The following ZSCAN10 variants were observed in gnomAD, a reference collection of about 807,000 sequenced individuals.
ZSCAN10 encodes the protein zinc finger and SCAN domain containing 10.
A neutral mutation model predicts 63.7 loss-of-function variants in ZSCAN10; 52 were observed. That is an observed-to-expected ratio of 0.82 (90% confidence interval 0.65 to 1.03). The LOEUF (loss-of-function observed/expected upper bound fraction) is 1.03. Ranked by LOEUF, ZSCAN10 falls within the 50% of genes least tolerant of loss-of-function variation. ZSCAN10 has a pLI of 0.00. For missense variants in ZSCAN10, 1,223 were observed against 1,103.8 expected (o/e 1.11, Z -1.53); for synonymous variants, 544 against 479.6 (o/e 1.13, Z -1.76).
chr16:3,089,213 G>A lies in ZSCAN10; in HGVS notation c.2221C>T (p.Arg741Ter). 6.4e-7 allele frequency: 1 copy of A among 1,568,186 alleles called. No individual in the cohort carries two copies. Among genetic ancestry groups the A allele is most frequent in the Non-Finnish European group, 8.6e-7 (1 of 1,165,242 alleles). ...GCGCCCGTGTGCACCAGCAGGTGTC[G>A]CAGCAGATTGCAGCTGCGGCTGAAG... ...KSFSRSCNLL[R>*]HLLVHTGARP... The change falls in exon 6 of 6, where the codon CGA (arginine) becomes TGA (stop). Residue 741 changes from arginine (R) to a stop codon, truncating the protein, a stop_gained. Transcript: ENST00000576985. LOFTEE classifies it high-confidence loss of function.
At chr16:3,091,638 C>T in intron 4 of ZSCAN10, 41 bp from the exon 5 acceptor site, 1 of 1,613,150 alleles carries the variant, frequency 6.2e-7, no homozygotes, top group Non-Finnish European at 8.5e-7. Context: ...GAGGAACATG[C>T]CTCAGGAACC....
Position 3,090,150 on chromosome 16 carries a change from G to A in ZSCAN10, c.1284C>T (p.Ser428=), listed in dbSNP as rs775967245. The part of the protein sequence containing the change: ...HLSKHLLTHS[S]EPAFLCAECG... ...ACTCTGCGCACAGGAAGGCGGGTTC[G>A]GAGGAGTGGGTCAGCAGGTGCTTGC... Residue 428 remains serine, a synonymous_variant, in exon 6 of 6, where the codon TCC becomes TCT. Coordinates refer to ENST00000576985, the MANE Select transcript of ZSCAN10 (RefSeq NM_032805.3). 6.2e-6 allele frequency: 10 copies of A among 1,601,620 alleles called. No individual in the cohort carries two copies. In the East Asian group the frequency reaches 1.1e-4, roughly 18 times the overall value.
At chr16:3,095,442 C>T (rs1043486285) in intron 1 of ZSCAN10, among the ~76,000 whole-genome samples, 1 of 147,858 alleles carries the variant, frequency 6.8e-6, no homozygotes, top group Non-Finnish European at 1.5e-5. Context: ...GCGTGAACCC[C>T]GGAGGCGGAG....
Position 3,091,748 on chromosome 16 carries a change from G to T in ZSCAN10, c.729+16C>A, listed in dbSNP as rs367809457. On this transcript the variant is annotated intron_variant, in intron 4 of 5. Transcript: ENST00000576985. The stretch of plus-strand genomic sequence containing the variant: ...TCCTGGGGCTTGAGGACACCCTGGG[G>T]TGCGGCCCAGCTCACCAGCACAGCC... 154 of 1,575,488 alleles carry T rather than the reference G, an allele frequency of 9.8e-5. No homozygotes were observed. Among genetic ancestry groups the T allele is most frequent in the Non-Finnish European group, 1.2e-4 (145 of 1,160,260 alleles).
At position 3,092,528 on chromosome 16, in the gene ZSCAN10, C is replaced by T; in HGVS notation, c.396+14G>A. On this transcript the variant is annotated intron_variant, in intron 2 of 5. Transcript: ENST00000576985. ...CATCCGCATGCTGCTCAGCCCGCTGCCCCACCCTCTCACCAGCGGCCCCGC... is the reference window on the plus strand; with the variant it reads ...CATCCGCATGCTGCTCAGCCCGCTGTCCCACCCTCTCACCAGCGGCCCCGC... 3.3e-6 allele frequency: 5 copies of T among 1,497,534 alleles called. No homozygotes were observed. The highest frequency in any genetic ancestry group is 3.6e-6 in the Non-Finnish European group (4 of 1,125,082). The allele number at this position is 1,497,534 out of a possible 1,614,324, so 92.8% of individuals were successfully genotyped here.
At position 3,092,835 on chromosome 16, in the gene ZSCAN10, C is replaced by T; in HGVS notation, c.103G>A (p.Glu35Lys). ...GCCACCTCGGGCCTCAGCCTGGACT[C>T]TGGTCGCCTGGGGTCCTCTGGGCTG... ...AVSPEDPRRP[E>K]SRLRPEVAHQ... Residue 35 changes from glutamate (E) to lysine (K), a missense_variant, in exon 2 of 6, where the codon GAG becomes AAG. Physicochemically the swap from Glu to Lys is moderately conservative, Grantham distance 56. Transcript: ENST00000576985. 2 of 1,487,778 alleles carry T rather than the reference C, an allele frequency of 1.3e-6. No homozygotes were observed. The highest frequency in any genetic ancestry group is 1.8e-6 in the Non-Finnish European group (2 of 1,114,024). The allele number at this position is 1,487,778 out of a possible 1,614,324, so 92.2% of individuals were successfully genotyped here.
intron 1 of ZSCAN10, among the ~76,000 whole-genome samples, chr16:3,094,142 A>T (rs111753004): frequency 6.6e-6 from 1 of 152,052 alleles, no homozygotes. Flanking sequence ...CCTCCCGAGT[A>T]GCTGGGACTA....
In ZSCAN10 at chr16:3,092,785, C is replaced by T. The variant is rs750560304; in HGVS notation, c.153G>A (p.Gln51=). The T allele has an allele frequency of 7.6e-6, 12 of 1,588,582 alleles. No homozygotes were observed. The highest frequency in any genetic ancestry group is 2.3e-5 in the East Asian group (1 of 43,958). ...EVAHQLFRCF[Q]YQEDMGPRAS... ...CCCGTGGCCCCATGTCCTCCTGATA[C>T]TGGAAGCATCTGAACAGCTGGTGAG... is the stretch of plus-strand genomic sequence containing the variant. The change falls in exon 2 of 6, where the codon CAG becomes CAA. Residue 51 remains glutamine (Q), a synonymous_variant. Coordinates refer to ENST00000576985, the MANE Select transcript of ZSCAN10 (RefSeq NM_032805.3).
chr16:3,096,801 C>T (rs1461103033), intron 1 of ZSCAN10, among the ~76,000 whole-genome samples: 1 of 151,980 alleles, frequency 6.6e-6, no homozygotes, highest in South Asian at 2.1e-4. Flanking sequence ...TGATGGCATG[C>T]GCCTGTAGTC....
rs748853111 is a variant in ZSCAN10 at position 3,089,485 on chromosome 16, G to C, written c.1949C>G (p.Ala650Gly). 6.2e-7 allele frequency: 1 copy of C among 1,601,930 alleles called. No homozygotes were observed. Among genetic ancestry groups the C allele is most frequent in the African/African-American group, 1.3e-5 (1 of 74,274 alleles). ...GEGFSQSAHL[A>G]RHQRIHTGEK... Reference sequence around the variant, plus strand: ...CCCTGTGTGGATGCGCTGGTGGCGCGCCAGGTGGGCGCTCTGGCTGAAGCC... The same window carrying C: ...CCCTGTGTGGATGCGCTGGTGGCGCCCCAGGTGGGCGCTCTGGCTGAAGCC... The change falls in exon 6 of 6, where the codon GCG (alanine) becomes GGG (glycine). Residue 650 changes from alanine (A) to glycine (G), a missense_variant. Transcript: ENST00000576985.
Position 3,088,913 on chromosome 16 carries a change from C to T in ZSCAN10, c.*178G>A. ...CATTTTGGAGAAGGCCATTTTACTT[C>T]GGGCGTTTTAATTACATAGCTGAGG... On this transcript the variant is annotated 3_prime_UTR_variant, in exon 6 of 6. Coordinates refer to ENST00000576985, the MANE Select transcript of ZSCAN10 (RefSeq NM_032805.3). 5.7e-6 allele frequency: 7 copies of T among 1,231,106 alleles called. No individual in the cohort carries two copies. The highest frequency in any genetic ancestry group is 7.3e-6 in the Non-Finnish European group (7 of 953,516). The allele number at this position is 1,231,106 out of a possible 1,614,324, so 76.3% of individuals were successfully genotyped here.
rs1434973738 is a variant in ZSCAN10 at position 3,089,158 on chromosome 16, C to T, written c.2276G>A (p.Arg759His). The T allele has an allele frequency of 1.3e-6, 2 of 1,535,292 alleles. No homozygotes were observed. The highest frequency in any genetic ancestry group is 1.4e-5 in the African/African-American group (1 of 71,844). The change falls in exon 6 of 6, where the codon CGC (arginine) becomes CAC (histidine). Residue 759 changes from arginine (R) to histidine (H), a missense_variant. By Grantham distance (29) the Arg-to-His change is conservative (BLOSUM62 0). Transcript: ENST00000576985. ...ARPYSCTQCGRSFSRNSHLLR... is the reference protein window; with the variant it reads ...ARPYSCTQCGHSFSRNSHLLR... ...CAGGTGGGAGTTGCGGCTGAAGCTG[C>T]GGCCACACTGCGTGCAGGAGTAGGG...
chr16:3,094,220 C>G (rs1203663233), intron 1 of ZSCAN10, among the ~76,000 whole-genome samples: 1 of 152,106 alleles, frequency 6.6e-6, no homozygotes, highest in African/African-American at 2.4e-5. Context: ...CATTATGTTG[C>G]CCAGGCTGGT....
In ZSCAN10 at chr16:3,092,843, C is replaced by T; in HGVS notation, c.95G>A (p.Arg32Lys). 1.4e-6 allele frequency: 2 copies of T among 1,473,894 alleles called. No homozygotes were observed. The highest frequency in any genetic ancestry group is 1.8e-6 in the Non-Finnish European group (2 of 1,108,174). 91.3% of individuals were successfully genotyped at this position (1,473,894 alleles called of 1,614,324 possible). Reference protein sequence around the residue: ...EEEAVSPEDPRRPESRLRPEV... With the variant: ...EEEAVSPEDPKRPESRLRPEV... ...GGGCCTCAGCCTGGACTCTGGTCGC[C>T]TGGGGTCCTCTGGGCTGACAGCCTC... The change falls in exon 2 of 6, where the codon AGG (arginine) becomes AAG (lysine). Residue 32 changes from arginine to lysine, a missense_variant. By Grantham distance (26) the Arg-to-Lys change is conservative (BLOSUM62 2). Coordinates refer to ENST00000576985, the MANE Select transcript of ZSCAN10 (RefSeq NM_032805.3).
intron 4 of ZSCAN10, 25 bp from the exon 5 acceptor site, chr16:3,091,622 G>C (rs761585905): frequency 8.1e-6 from 13 of 1,613,968 alleles, no homozygotes; most frequent in Non-Finnish European, 3.4e-6. Flanking sequence ...GAAACCCTTG[G>C]TGAGTGAGGA....
chr16:3,090,333 C>A lies in ZSCAN10; in HGVS notation c.1101G>T (p.Leu367=), dbSNP rs1957054547. 7 of 1,610,688 alleles carry A rather than the reference C, an allele frequency of 4.3e-6. No individual in the cohort carries two copies. Among genetic ancestry groups the A allele is most frequent in the Non-Finnish European group, 5.9e-6 (7 of 1,178,780 alleles). The part of the protein sequence containing the change: ...PQLSRLKAHQ[L]RSHPAGRSFL... ...AGGAGCGCCCAGCCGGGTGCGAGCG[C>A]AGCTGGTGCGCCTTCAGGCGAGACA... The change falls in exon 6 of 6, where the codon CTG becomes CTT. Residue 367 remains leucine (L), a synonymous_variant. Coordinates refer to ENST00000576985, the MANE Select transcript of ZSCAN10 (RefSeq NM_032805.3).
Position 3,089,516 on chromosome 16 carries a change from C to A in ZSCAN10, c.1918G>T (p.Gly640Cys), listed in dbSNP as rs1453769306. ...GEKPCRCSEC[G>C]EGFSQSAHLA... ...TGGGCGCTCTGGCTGAAGCCCTCAC[C>A]GCACTCGCTGCAGCGGCAGGGCTTC... Residue 640 changes from glycine (G) to cysteine (C), a missense_variant, in exon 6 of 6, where the codon GGT becomes TGT. Coordinates refer to ENST00000576985, the MANE Select transcript of ZSCAN10 (RefSeq NM_032805.3). 4 of 1,602,824 alleles carry A rather than the reference C, an allele frequency of 2.5e-6. No individual in the cohort carries two copies. In the Admixed American group the frequency reaches 6.8e-5, roughly 27 times the overall value.
intron 1 of ZSCAN10, chr16:3,093,406 C>T (rs1957112620): frequency 6.6e-6 from 1 of 151,550 alleles, no homozygotes; most frequent in South Asian, 2.1e-4. Context: ...GTCCCAGCTG[C>T]TGGGGAGGCT....
In ZSCAN10 at chr16:3,090,431, C is replaced by T. The variant is rs1957057082; in HGVS notation, c.1003G>A (p.Ala335Thr). ...GSSEILEVKVAEGVPEPNPEL... is the reference protein window; with the variant it reads ...GSSEILEVKVTEGVPEPNPEL... ...GGATTGGGCTCGGGGACGCCCTCAG[C>T]CACTTTGACCTCCAAAATTTCACTG... Residue 335 changes from alanine (A) to threonine (T), a missense_variant, in exon 6 of 6, where the codon GCT (alanine) becomes ACT (threonine). Ala to Thr is a moderately conservative substitution (Grantham distance 58). Coordinates refer to ENST00000576985, the MANE Select transcript of ZSCAN10 (RefSeq NM_032805.3). The T allele has an allele frequency of 6.2e-7, 1 of 1,613,792 alleles. No individual in the cohort carries two copies. The highest frequency in any genetic ancestry group is 1.7e-5 in the Admixed American group (1 of 60,006).
Sources: gnomAD v4.1 joint callset for allele counts (sites outside exome capture counted in the v4.1 genomes callset) on GRCh38, gnomAD v4.1.1 for gene constraint, MANE v1.5 for transcripts, NCBI Gene and HGNC (gene_info 2026-07-23, HGNC 2026-07-21) for gene names.